PLBD1: variants seen among roughly 807,000 people sequenced by gnomAD.
The protein encoded by PLBD1 is phospholipase B domain containing 1, also known as lysosomal leucine aminopeptidase.
PLBD1 carries 60 observed loss-of-function variants against 63.0 expected under a neutral mutation model. The ratio of observed to expected loss-of-function variants is 0.95; its 90% confidence interval spans 0.77 to 1.18. PLBD1 has a LOEUF of 1.18. Among genes scored for constraint, PLBD1 ranks in the 50% most tolerant of loss-of-function variants. PLBD1 has a pLI of 0.00. For synonymous variants in PLBD1, 262 were observed against 248.0 expected (o/e 1.06, Z -0.53); for missense variants, 598 against 677.9 (o/e 0.88, Z 1.31).
At chr12:14,559,982 TC>T (rs1251447544) in intron 1 of PLBD1, among the ~76,000 whole-genome samples, 1 of 152,048 alleles carries the variant, frequency 6.6e-6, no homozygotes, top group African/African-American at 2.4e-5. Context: ...TGCCTCAGCC[TC>T]CCAAGTTGCT....
chr12:14,516,527 T>G (rs1178406256), intron 6 of PLBD1, among the ~76,000 whole-genome samples: 1 of 152,152 alleles, frequency 6.6e-6, no homozygotes, highest in African/African-American at 2.4e-5. Context: ...ACACTGCATT[T>G]TTAGCAAGCT....
chr12:14,551,911 A>G (rs934896865), intron 2 of PLBD1, among the ~76,000 whole-genome samples: 20 of 152,368 alleles, frequency 1.3e-4, no homozygotes, highest in African/African-American at 4.6e-4. Flanking sequence ...CATGTTTAAA[A>G]AATCTAATTC....
intron 2 of PLBD1, among the ~76,000 whole-genome samples, chr12:14,544,666 C>A (rs1455873839): frequency 6.6e-6 from 1 of 152,000 alleles, no homozygotes; most frequent in Non-Finnish European, 1.5e-5. Flanking sequence ...TGGTATAAAT[C>A]CCTCAATACT....
intron 2 of PLBD1, among the ~76,000 whole-genome samples, chr12:14,544,260 G>A (rs1294148983): frequency 1.3e-5 from 2 of 152,254 alleles, no homozygotes; most frequent in East Asian, 1.9e-4. Context: ...TGCAACCGCC[G>A]CCTCCCAAGT....
chr12:14,545,920 G>A (rs1004551614), intron 2 of PLBD1, among the ~76,000 whole-genome samples: 1 of 151,468 alleles, frequency 6.6e-6, no homozygotes, highest in Non-Finnish European at 1.5e-5. Flanking sequence ...TGATCCATTC[G>A]GTTACTTTCT....
chr12:14,516,304 C>G lies in PLBD1; in HGVS notation c.845-4593G>C, dbSNP rs10128848. Among the ~76,000 whole-genome samples, 1,479 of 152,024 alleles carry G rather than the reference C, an allele frequency of 9.7e-3. 21 individuals carry two copies. Among genetic ancestry groups the G allele is most frequent in the African/African-American group, 0.033 (1,366 of 41,464 alleles). On this transcript the variant is annotated intron_variant, in intron 6 of 10. Transcript: ENST00000240617. ...AGATCGCGCCATTGCACTCTAGCCT[C>G]GGTGACAGAGCGACACTCCATCTCA...
At chr12:14,552,373 T>A (rs1945666152) in intron 2 of PLBD1, among the ~76,000 whole-genome samples, 1 of 152,222 alleles carries the variant, frequency 6.6e-6, no homozygotes. Flanking sequence ...GACACTAGAA[T>A]CAAGTAATGG....
rs1170519775 is a variant in PLBD1 at position 14,536,569 on chromosome 12, C to T, written c.699+1G>A. On this transcript the variant is annotated splice_donor_variant, in intron 5 of 10. Transcript: ENST00000240617. LOFTEE classifies it high-confidence loss of function. ...AGGCAAAAGGAGCTGCTATGTCTTACCTTGATAAGAGCGGAGCAATGTCCC... is the reference window on the plus strand; with the variant it reads ...AGGCAAAAGGAGCTGCTATGTCTTATCTTGATAAGAGCGGAGCAATGTCCC... 6.2e-7 allele frequency: 1 copy of T among 1,613,940 alleles called. No individual in the cohort carries two copies. The highest frequency in any genetic ancestry group is 2.2e-5 in the East Asian group (1 of 44,880).
chr12:14,526,298 C>T lies in PLBD1; in HGVS notation c.844+9361G>A, dbSNP rs545004426. The stretch of plus-strand genomic sequence containing the variant: ...AAACCACAAATAGTTTGAAAGTAAA[C>T]AGACATTCCGTTTGTGCTAACAAAT... On this transcript the variant is annotated intron_variant, in intron 6 of 10. Transcript: ENST00000240617. Among the ~76,000 whole-genome samples, 5 of 152,292 alleles carry T rather than the reference C, an allele frequency of 3.3e-5. No homozygotes were observed. The South Asian group carries it at 1.0e-3, about 32-fold the overall frequency.
At chr12:14,532,164 C>G (rs1945470625) in intron 6 of PLBD1, among the ~76,000 whole-genome samples, 3 of 152,138 alleles carry the variant, frequency 2.0e-5, no homozygotes, top group Non-Finnish European at 4.4e-5. Context: ...GAAGAGCTGT[C>G]CCAATCACAC....
intron 8 of PLBD1, among the ~76,000 whole-genome samples, 177 bp from the exon 9 acceptor site, chr12:14,507,295 G>C (rs1319731624): frequency 2.6e-5 from 4 of 152,182 alleles, no homozygotes; most frequent in African/African-American, 9.7e-5. Context: ...CAGCCAAACA[G>C]CCTTTTAAAT....
At chr12:14,512,174 C>T (rs1293172384) in intron 6 of PLBD1, among the ~76,000 whole-genome samples, 19 of 146,960 alleles carry the variant, frequency 1.3e-4, no homozygotes, top group Admixed American at 4.8e-4. Flanking sequence ...TTTTGACACA[C>T]AGTCTGACTC....
intron 1 of PLBD1, among the ~76,000 whole-genome samples, chr12:14,561,969 T>C (rs1345998837): frequency 6.6e-6 from 1 of 152,220 alleles, no homozygotes; most frequent in East Asian, 1.9e-4. Context: ...AATTAGAACT[T>C]TGGTGTCCTA....
intron 5 of PLBD1, 118 bp downstream of exon 5, chr12:14,536,452 A>G (rs2136920766): frequency 9.2e-7 from 1 of 1,084,242 alleles, no homozygotes; most frequent in South Asian, 1.7e-5. Flanking sequence ...ACCATTGAAG[A>G]ACTCATGAGC....
intron 4 of PLBD1, among the ~76,000 whole-genome samples, chr12:14,539,784 T>TA (rs530723349): frequency 0.03 from 4,124 of 138,852 alleles, 189 homozygotes; most frequent in African/African-American, 0.1. Flanking sequence ...AGACTCTGAC[T>TA]AAAAAAAAAA....
At chr12:14,561,799 G>A (rs61920177) in intron 1 of PLBD1, among the ~76,000 whole-genome samples, 1 of 152,102 alleles carries the variant, frequency 6.6e-6, no homozygotes, top group Non-Finnish European at 1.5e-5. Context: ...AAGGTGATCT[G>A]CCTGCCTTGA....
intron 1 of PLBD1, 159 bp from the exon 2 acceptor site, chr12:14,553,571 G>C (rs1945677764): frequency 1.5e-6 from 1 of 658,646 alleles, no homozygotes; most frequent in African/African-American, 1.8e-5. Flanking sequence ...ATTCCAAGTG[G>C]GGAAAAACTG....
At chr12:14,549,243 C>A (rs936885098) in intron 2 of PLBD1, among the ~76,000 whole-genome samples, 1 of 152,202 alleles carries the variant, frequency 6.6e-6, no homozygotes, top group Admixed American at 6.5e-5. Flanking sequence ...TGCCAGACAT[C>A]TGGGGTCTAT....
chr12:14,563,074 T>C (rs557580668), intron 1 of PLBD1, among the ~76,000 whole-genome samples: 1 of 152,308 alleles, frequency 6.6e-6, no homozygotes, highest in South Asian at 2.1e-4. Context: ...CTTCTAAAGA[T>C]TTTTATCTTT....
Sources: allele counts gnomAD v4.1 joint callset (sites outside exome capture counted in the v4.1 genomes callset), GRCh38; gene constraint gnomAD v4.1.1; transcripts MANE v1.5; gene names NCBI Gene and HGNC (gene_info 2026-07-23, HGNC 2026-07-21).